The following SLC35F1 variants were observed in gnomAD, a reference collection of about 807,000 sequenced individuals.
SLC35F1 encodes chromosome 6 open reading frame 169.
SLC35F1 carries 14 observed loss-of-function variants against 48.7 expected under a neutral mutation model. That is an observed-to-expected ratio of 0.29 (90% confidence interval 0.19 to 0.45). The LOEUF (loss-of-function observed/expected upper bound fraction) is 0.45, where lower values mean the gene tolerates loss of function less well. SLC35F1 is among the 20% of genes least tolerant of loss of function. The pLI is 1.00. For synonymous variants in SLC35F1, 190 were observed against 202.2 expected, an observed-to-expected ratio of 0.94 and a Z score of 0.51; for missense variants, 404 against 500.0, an observed-to-expected ratio of 0.81 and a Z score of 1.83.
At chr6:117,995,261 T>C (rs1776969826) in intron 1 of SLC35F1, among the ~76,000 whole-genome samples, 1 of 152,238 alleles carries the variant, frequency 6.6e-6, no homozygotes, top group Non-Finnish European at 1.5e-5. Context: ...GCTGAGCATG[T>C]ATTTTCCCAT....
intron 1 of SLC35F1, among the ~76,000 whole-genome samples, chr6:117,916,889 G>C (rs1775833079): frequency 1.3e-5 from 2 of 152,234 alleles, no homozygotes; most frequent in Non-Finnish European, 2.9e-5. Context: ...GAATTACTGA[G>C]TCAGGTTAGA....
intron 7 of SLC35F1, among the ~76,000 whole-genome samples, chr6:118,302,095 C>G (rs1776259799): frequency 6.6e-6 from 1 of 152,086 alleles, no homozygotes; most frequent in African/African-American, 2.4e-5. Flanking sequence ...TTGGTGGCAT[C>G]TAACGCCGTA....
At chr6:118,150,118 GTTAAC>G (rs1420540315) in intron 1 of SLC35F1, among the ~76,000 whole-genome samples, 2 of 152,150 alleles carry the variant, frequency 1.3e-5, no homozygotes, top group African/African-American at 4.8e-5. Context: ...CTAAGCATCA[GTTAAC>G]TTATCTATAA....
chr6:118,051,226 A>C (rs367913075), intron 1 of SLC35F1, among the ~76,000 whole-genome samples: 16 of 152,236 alleles, frequency 1.1e-4, no homozygotes, highest in African/African-American at 3.8e-4. Flanking sequence ...TGTTGTACCT[A>C]TTTAATTATC....
At chr6:118,039,808 G>GTTTTTTTTT (rs201281915) in intron 1 of SLC35F1, among the ~76,000 whole-genome samples, 1 of 119,208 alleles carries the variant, frequency 8.4e-6, no homozygotes, top group Non-Finnish European at 1.7e-5. Flanking sequence ...TGTTTTTTTT[G>GTTTTTTTTT]TTTTTTTTTT....
At chr6:117,932,583 G>A (rs1025630329) in intron 1 of SLC35F1, among the ~76,000 whole-genome samples, 2 of 152,136 alleles carry the variant, frequency 1.3e-5, no homozygotes, top group Non-Finnish European at 2.9e-5. Flanking sequence ...CAAATCTCAA[G>A]CATAGAGGCT....
chr6:118,027,393 T>C (rs911091912), intron 1 of SLC35F1, among the ~76,000 whole-genome samples: 6 of 152,170 alleles, frequency 3.9e-5, no homozygotes, highest in African/African-American at 1.4e-4. Context: ...CTGTACCCTT[T>C]TGTATTCTCA....
intron 7 of SLC35F1, among the ~76,000 whole-genome samples, chr6:118,306,901 T>C (rs1776318448): frequency 6.6e-6 from 1 of 152,204 alleles, no homozygotes; most frequent in Non-Finnish European, 1.5e-5. Context: ...GGGGAAGATA[T>C]TTGCCTATAA....
chr6:118,242,007 C>T (rs965447228), intron 3 of SLC35F1, among the ~76,000 whole-genome samples: 59 of 152,260 alleles, frequency 3.9e-4, no homozygotes, highest in African/African-American at 1.1e-3. Context: ...CACCTTTAGG[C>T]TTTTATAAGT....
chr6:118,160,950 T>C (rs1008788379), intron 2 of SLC35F1, among the ~76,000 whole-genome samples: 1 of 151,798 alleles, frequency 6.6e-6, no homozygotes, highest in Non-Finnish European at 1.5e-5. Context: ...AAGCATTAAT[T>C]AAGAGGTAAT....
At chr6:117,924,480 A>G (rs62432058) in intron 1 of SLC35F1, among the ~76,000 whole-genome samples, 4 of 16,910 alleles carry the variant, frequency 2.4e-4, no homozygotes, top group South Asian at 0.012. Flanking sequence ...ATACATATGT[A>G]TATACGTATA....
rs980829816 is a variant in SLC35F1, at chr6:117,909,789, C to T, written c.173+1890C>T. 3.9e-5 allele frequency among the ~76,000 whole-genome samples: 6 copies of T among 152,182 alleles called. 1 individual carries two copies. Among genetic ancestry groups the T allele is most frequent in the South Asian group, 4.1e-4 (2 of 4,820 alleles). On this transcript the variant is annotated intron_variant, in intron 1 of 7. Transcript: ENST00000360388. ...GGCAAATGAAGTTGAAGTCATGCTA[C>T]GTTATGGGTAGAACCTTGTGTTTCT... is the stretch of plus-strand genomic sequence containing the variant.
chr6:117,940,975 C>A (rs998407941), intron 1 of SLC35F1, among the ~76,000 whole-genome samples: 4 of 152,028 alleles, frequency 2.6e-5, no homozygotes, highest in African/African-American at 4.8e-5. Context: ...TAGATTATTT[C>A]ACACATCTGA....
At chr6:118,127,464 C>T (rs529307583) in intron 1 of SLC35F1, among the ~76,000 whole-genome samples, 8 of 151,894 alleles carry the variant, frequency 5.3e-5, no homozygotes, top group South Asian at 2.1e-4. Flanking sequence ...TGTCTCTGCC[C>T]GGCTTTGGTA....
At chr6:118,148,473 G>A (rs1252827401) in intron 1 of SLC35F1, among the ~76,000 whole-genome samples, 2 of 151,742 alleles carry the variant, frequency 1.3e-5, no homozygotes, top group Admixed American at 6.6e-5. Flanking sequence ...ACGAAGTGCC[G>A]GTGGTAATGG....
At chr6:117,957,519 C>T (rs1776442301) in intron 1 of SLC35F1, among the ~76,000 whole-genome samples, 2 of 152,082 alleles carry the variant, frequency 1.3e-5, no homozygotes, top group Non-Finnish European at 2.9e-5. Flanking sequence ...TCCATTGTTC[C>T]TTTGGACTAT....
chr6:118,103,625 A>G (rs1242226965), intron 1 of SLC35F1, among the ~76,000 whole-genome samples: 5 of 152,214 alleles, frequency 3.3e-5, no homozygotes, highest in Admixed American at 3.3e-4. Context: ...GAATGAATCC[A>G]AGAGTGTGTT....
chr6:117,963,721 G>A (rs908201076), intron 1 of SLC35F1, among the ~76,000 whole-genome samples: 4 of 152,074 alleles, frequency 2.6e-5, no homozygotes, highest in African/African-American at 9.7e-5. Flanking sequence ...TGTTAAGGAG[G>A]TTTTATTGAT....
At chr6:118,068,004 C>T (rs181095510) in intron 1 of SLC35F1, among the ~76,000 whole-genome samples, 41 of 152,124 alleles carry the variant, frequency 2.7e-4, no homozygotes, top group African/African-American at 7.2e-4. Flanking sequence ...GGGAGGCAGG[C>T]GGTGCTGGTG....
Sources: gnomAD v4.1 joint callset for allele counts (sites outside exome capture counted in the v4.1 genomes callset) on GRCh38, gnomAD v4.1.1 for gene constraint, MANE v1.5 for transcripts, NCBI Gene and HGNC (gene_info 2026-07-23, HGNC 2026-07-21) for gene names.